COL4A5: variants seen among roughly 807,000 people sequenced by gnomAD.
The protein encoded by COL4A5 is collagen type IV alpha 5 chain, also known as collagen alpha-5(IV) chain.
A neutral mutation model predicts 130.2 loss-of-function variants in COL4A5; 26 were observed. The observed-to-expected ratio is 0.20, with a 90% CI of 0.15 to 0.28. The LOEUF (loss-of-function observed/expected upper bound fraction) is 0.28, where lower values mean the gene tolerates loss of function less well. COL4A5 is among the 10% of genes least tolerant of loss of function. The pLI, the probability that COL4A5 is intolerant of heterozygous loss-of-function variation, is 1.00. For synonymous variants in COL4A5, 496 were observed against 439.6 expected (o/e 1.13, Z -1.60); for missense variants, 1,131 against 1,344.3 (o/e 0.84, Z 2.48).
intron 44 of COL4A5, among the ~76,000 whole-genome samples, chrX:108,679,479 T>A (rs1350486034): frequency 1.8e-5 from 2 of 111,890 alleles, no homozygotes; most frequent in East Asian, 5.6e-4. Context: ...TTCTAAACTA[T>A]CATTACTTAT....
At chrX:108,506,604 A>G (rs921676932) in intron 1 of COL4A5, among the ~76,000 whole-genome samples, 2 of 111,447 alleles carry the variant, frequency 1.8e-5, no homozygotes, top group Non-Finnish European at 3.8e-5. Flanking sequence ...TTGCACTCCT[A>G]TGAGAATCTA....
chrX:108,513,291 C>CTT (rs2065195045), intron 1 of COL4A5, among the ~76,000 whole-genome samples: 1 of 110,061 alleles, frequency 9.1e-6, no homozygotes, highest in Non-Finnish European at 1.9e-5. Context: ...GAGCAAGACT[C>CTT]TGTCTCAAAA....
chrX:108,548,654 C>T (rs73636505), intron 2 of COL4A5, among the ~76,000 whole-genome samples: 2,134 of 110,439 alleles, frequency 0.019, 37 homozygotes, highest in East Asian at 0.079. Flanking sequence ...AAAGTAAAAA[C>T]GAAGAAAACT....
intron 29 of COL4A5, among the ~76,000 whole-genome samples, chrX:108,610,080 G>A (rs2066804583): frequency 9.1e-6 from 1 of 109,656 alleles, no homozygotes; most frequent in African/African-American, 3.3e-5. Context: ...ATCCTTTTAT[G>A]TGTTAAGGGC....
chrX:108,620,986 G>A (rs1416500978), intron 31 of COL4A5, among the ~76,000 whole-genome samples: 1 of 110,833 alleles, frequency 9.0e-6, no homozygotes, highest in Non-Finnish European at 1.9e-5. Context: ...GAAGCGGCAA[G>A]ATTTCTTTTC....
chrX:108,607,257 C>T (rs940558802), intron 29 of COL4A5, among the ~76,000 whole-genome samples: 4 of 103,814 alleles, frequency 3.9e-5, no homozygotes, highest in Admixed American at 2.2e-4. Flanking sequence ...ATCCCAGCTA[C>T]TTGGGAGGCT....
At chrX:108,446,048 A>G (rs866933678) in intron 1 of COL4A5, among the ~76,000 whole-genome samples, 1 of 111,727 alleles carries the variant, frequency 9.0e-6, no homozygotes, top group Admixed American at 9.5e-5. Context: ...ACGAAACTCT[A>G]AGCACAATTC....
intron 1 of COL4A5, among the ~76,000 whole-genome samples, chrX:108,463,828 T>C (rs766564057): frequency 1.6e-4 from 18 of 112,196 alleles, no homozygotes; most frequent in Non-Finnish European, 3.4e-4. Context: ...AGAGAGCTTA[T>C]CCTGGACACC....
At chrX:108,664,369 GA>G (rs2068030688) in intron 37 of COL4A5, among the ~76,000 whole-genome samples, 1 of 110,988 alleles carries the variant, frequency 9.0e-6, no homozygotes, top group Non-Finnish European at 1.9e-5. Flanking sequence ...TTCGTATGGG[GA>G]AAAAACAAAA....
At chrX:108,667,241 T>A in intron 40 of COL4A5, 58 bp downstream of exon 40, 6 of 1,053,275 alleles carry the variant, frequency 5.7e-6, no homozygotes, top group Non-Finnish European at 6.6e-6. Flanking sequence ...TATTTCCAAA[T>A]ACATCTATTT....
At position 108,568,633 on chromosome X, in the gene COL4A5, C is replaced by T. The variant is rs749124131; in HGVS notation, c.281C>T (p.Pro94Leu). The T allele has an allele frequency of 1.0e-5, 12 of 1,186,824 alleles. No homozygotes were observed. The highest frequency in any genetic ancestry group is 1.4e-5 in the Non-Finnish European group (12 of 875,074). Residue 94 changes from proline (P) to leucine (L), a missense_variant, in exon 5 of 53, where the codon CCT (proline) becomes CTT (leucine). Transcript: ENST00000328300. ...GGATTTTATTTCTTCTTATAGGGTC[C>T]TCCTGGACTTCCTGGATTTCCAGGG... ...GPPGPKGIRG[P>L]PGLPGFPGTP... is the part of the protein sequence containing the mutation.
intron 4 of COL4A5, among the ~76,000 whole-genome samples, chrX:108,567,839 C>T (rs1295608171): frequency 9.0e-6 from 1 of 111,641 alleles, no homozygotes; most frequent in Non-Finnish European, 1.9e-5. Flanking sequence ...TTATCTCCCA[C>T]CGGGTCCCTC....
intron 13 of COL4A5, among the ~76,000 whole-genome samples, chrX:108,579,056 T>G (rs1390553369): frequency 1.0e-5 from 1 of 97,041 alleles, no homozygotes; most frequent in Non-Finnish European, 2.1e-5. Flanking sequence ...AGTGTACAAT[T>G]CAATTTTTTT....
At chrX:108,459,619 ATC>A (rs1345466188) in intron 1 of COL4A5, among the ~76,000 whole-genome samples, 1 of 112,543 alleles carries the variant, frequency 8.9e-6, no homozygotes, top group Non-Finnish European at 1.9e-5. Context: ...ATCTGTATCT[ATC>A]TCTCTGCCTG....
intron 21 of COL4A5, among the ~76,000 whole-genome samples, chrX:108,592,242 C>T (rs1351693939): frequency 9.0e-6 from 1 of 111,361 alleles, no homozygotes; most frequent in Non-Finnish European, 1.9e-5. Flanking sequence ...TCCCTTCTTG[C>T]ATATTACTGT....
chrX:108,578,538 A>G (rs1340384976), intron 13 of COL4A5, among the ~76,000 whole-genome samples, 155 bp downstream of exon 13: 1 of 111,827 alleles, frequency 8.9e-6, no homozygotes, highest in Non-Finnish European at 1.9e-5. Context: ...TTATACCTCA[A>G]TAAAGCTGAA....
intron 33 of COL4A5, 57 bp from the exon 34 acceptor site, chrX:108,624,179 T>C: frequency 2.9e-6 from 3 of 1,017,985 alleles, no homozygotes; most frequent in African/African-American, 1.8e-5. Context: ...TTTGCCAAAG[T>C]TATTTCATGG....
At chrX:108,469,601 GTTATT>G (rs1271907699) in intron 1 of COL4A5, among the ~76,000 whole-genome samples, 4 of 111,397 alleles carry the variant, frequency 3.6e-5, no homozygotes, top group Admixed American at 2.9e-4. Context: ...ACTAACCTTT[GTTATT>G]TTATTTTATT....
At chrX:108,473,691 G>A (rs1254928535) in intron 1 of COL4A5, among the ~76,000 whole-genome samples, 2 of 88,125 alleles carry the variant, frequency 2.3e-5, no homozygotes, top group Non-Finnish European at 4.4e-5. Context: ...GAGTGCAGTG[G>A]TGCAATCTCG....
Sources: gnomAD v4.1 joint callset for allele counts (sites outside exome capture counted in the v4.1 genomes callset) on GRCh38, gnomAD v4.1.1 for gene constraint, MANE v1.5 for transcripts, NCBI Gene and HGNC (gene_info 2026-07-23, HGNC 2026-07-21) for gene names.